Variants in RABEP1 observed in about 807,000 individuals in gnomAD.
RABEP1 encodes rab GTPase-binding effector protein 1.
Under a neutral mutation model 123.4 loss-of-function variants are expected in RABEP1, and 51 were observed. The observed-to-expected ratio is 0.41, with a 90% CI of 0.33 to 0.52. The LOEUF (loss-of-function observed/expected upper bound fraction) is 0.52. Ranked by LOEUF, RABEP1 falls within the 20% of genes least tolerant of loss-of-function variation. The probability of loss-of-function intolerance (pLI) is 0.16; values close to 1 mark genes in which losing one functional copy is unlikely to be tolerated. For missense variants in RABEP1, 888 were observed against 996.3 expected (o/e 0.89, Z 1.46); for synonymous variants, 347 against 355.2 (o/e 0.98, Z 0.26).
chr17:5,292,553 T>G (rs2075043515), intron 1 of RABEP1, among the ~76,000 whole-genome samples: 1 of 152,082 alleles, frequency 6.6e-6, no homozygotes, highest in Non-Finnish European at 1.5e-5. Flanking sequence ...TCTGGCTAAC[T>G]TTGTATTTTT....
rs768745098 is a variant in RABEP1, at chr17:5,325,730, AC to A, written c.164-6217del. ...GTCCATGGGATGAAAGAAAAAAAAAACCGACAAATATTTAGGGTGATAGATA... is the reference window on the plus strand; with the variant it reads ...GTCCATGGGATGAAAGAAAAAAAAAACGACAAATATTTAGGGTGATAGATA... On this transcript the variant is annotated intron_variant, in intron 2 of 17. Transcript: ENST00000537505. 3.6e-3 allele frequency among the ~76,000 whole-genome samples: 547 copies of A among 152,088 alleles called. 1 individual carries two copies. The highest frequency in any genetic ancestry group is 0.01 in the Middle Eastern group (3 of 292).
At chr17:5,321,447 G>A (rs1296601982) in intron 2 of RABEP1, among the ~76,000 whole-genome samples, 2 of 150,714 alleles carry the variant, frequency 1.3e-5, no homozygotes, top group South Asian at 4.2e-4. Context: ...TATCTCAAAC[G>A]AACAAAGCAA....
intron 2 of RABEP1, among the ~76,000 whole-genome samples, chr17:5,317,433 G>C (rs72634022): frequency 0.095 from 14,419 of 152,056 alleles, 1,613 homozygotes; most frequent in East Asian, 0.49. Flanking sequence ...CTGAAAATGG[G>C]CTTCTACAAA....
chr17:5,293,202 G>A (rs1033889224), intron 1 of RABEP1, among the ~76,000 whole-genome samples: 10 of 151,856 alleles, frequency 6.6e-5, no homozygotes, highest in East Asian at 1.9e-4. Flanking sequence ...CACGAGAATC[G>A]CTTGAATCTG....
chr17:5,323,096 C>G (rs144309047), intron 2 of RABEP1, among the ~76,000 whole-genome samples: 2 of 152,118 alleles, frequency 1.3e-5, no homozygotes, highest in East Asian at 3.9e-4. Context: ...ACAACAACAA[C>G]AACAAAAACT....
intron 17 of RABEP1, chr17:5,381,851 C>G (rs754203414): frequency 4.4e-5 from 8 of 180,154 alleles, no homozygotes; most frequent in Non-Finnish European, 5.7e-5. Context: ...TCCTCGCCCA[C>G]AGCGTGGTGT....
rs958121603 is a variant in RABEP1, at chr17:5,299,019, C to T, written c.35-9675C>T. The stretch of plus-strand genomic sequence containing the variant: ...GGAAATATTTCAGTGTATGTGTAAA[C>T]GTACCACAATGCTATTATAACACCT... On this transcript the variant is annotated intron_variant, in intron 1 of 17. Transcript: ENST00000537505. Among the ~76,000 whole-genome samples, 6 of 152,138 alleles carry T rather than the reference C, an allele frequency of 3.9e-5. No homozygotes were observed. The South Asian group carries it at 6.2e-4, about 16-fold the overall frequency.
intron 1 of RABEP1, among the ~76,000 whole-genome samples, chr17:5,300,898 T>C (rs1342283976): frequency 6.6e-6 from 1 of 152,280 alleles, no homozygotes; most frequent in East Asian, 1.9e-4. Context: ...AACTTTAGCC[T>C]GCATCTAAAA....
chr17:5,316,231 G>A (rs757163737), intron 2 of RABEP1, among the ~76,000 whole-genome samples: 11 of 152,062 alleles, frequency 7.2e-5, no homozygotes, highest in Admixed American at 6.5e-4. Flanking sequence ...CAGGCGGATT[G>A]CCTGAGTTCA....
At chr17:5,332,227 A>C in intron 3 of RABEP1, 75 bp downstream of exon 3, 4 of 1,334,144 alleles carry the variant, frequency 3.0e-6, no homozygotes, top group Non-Finnish European at 4.2e-6. Flanking sequence ...TTTTCAGAGA[A>C]TCTTAAAATA....
At chr17:5,309,647 C>T (rs1597341378) in intron 2 of RABEP1, among the ~76,000 whole-genome samples, 1 of 148,816 alleles carries the variant, frequency 6.7e-6, no homozygotes, top group African/African-American at 2.5e-5. Context: ...GAGTGAAACT[C>T]CCATCTCAAA....
chr17:5,282,589 G>A, intron 1 of RABEP1, 69 bp downstream of exon 1: 6 of 1,054,054 alleles, frequency 5.7e-6, no homozygotes, highest in Non-Finnish European at 7.1e-6. Context: ...GGAGGATTTC[G>A]GGGCGGGCAG....
In RABEP1 at chr17:5,282,336, G is replaced by C. The variant is rs1350044543; in HGVS notation, c.-151G>C. The C allele has an allele frequency of 1.1e-5, 6 of 542,650 alleles. No homozygotes were observed. Among genetic ancestry groups the C allele is most frequent in the Non-Finnish European group, 1.7e-5 (6 of 353,440 alleles). The allele number at this position is 542,650 out of a possible 1,614,324, so 33.6% of individuals were successfully genotyped here. On this transcript the variant is annotated 5_prime_UTR_variant, in exon 1 of 18. Coordinates refer to ENST00000537505, the MANE Select transcript of RABEP1 (RefSeq NM_004703.6). ...GTCGGGTCCGTCTCTGCCCGCGGCTGTGGCGGCGCCGGCGGATCCAGCCTT... is the reference window on the plus strand; with the variant it reads ...GTCGGGTCCGTCTCTGCCCGCGGCTCTGGCGGCGCCGGCGGATCCAGCCTT...
chr17:5,342,252 T>G (rs1907681037), intron 5 of RABEP1, among the ~76,000 whole-genome samples: 2 of 152,038 alleles, frequency 1.3e-5, no homozygotes, highest in Admixed American at 1.3e-4. Context: ...GAAAAACTAG[T>G]TAGCTACCAA....
In RABEP1 at chr17:5,350,596, C is replaced by G. The variant is rs753502453; in HGVS notation, c.930C>G (p.Leu310=). ...RMEIVLTSEQ[L]RQVEELKKKD... ...AGATTGTGCTAACTTCAGAACAGCTCCGACAAGTTGAAGAACTGAAGAAGA... is the reference window on the plus strand; with the variant it reads ...AGATTGTGCTAACTTCAGAACAGCTGCGACAAGTTGAAGAACTGAAGAAGA... The change falls in exon 7 of 18, where the codon CTC becomes CTG. Residue 310 remains leucine (L), a synonymous_variant. Coordinates refer to ENST00000537505, the MANE Select transcript of RABEP1 (RefSeq NM_004703.6). 6.2e-7 allele frequency: 1 copy of G among 1,613,722 alleles called. No individual in the cohort carries two copies. Among genetic ancestry groups the G allele is most frequent in the Non-Finnish European group, 8.5e-7 (1 of 1,179,970 alleles).
At chr17:5,362,470 C>T (rs761214562) in intron 9 of RABEP1, among the ~76,000 whole-genome samples, 1 of 152,158 alleles carries the variant, frequency 6.6e-6, no homozygotes, top group African/African-American at 2.4e-5. Context: ...TTACTGAGGC[C>T]TGAAAGAAAC....
At chr17:5,359,317 G>A (rs1210966945) in intron 8 of RABEP1, among the ~76,000 whole-genome samples, 1 of 151,996 alleles carries the variant, frequency 6.6e-6, no homozygotes, top group Non-Finnish European at 1.5e-5. Context: ...CTTGTGATCT[G>A]CCCGCCTCGG....
At position 5,283,602 on chromosome 17, in the gene RABEP1, G is replaced by A. The variant is rs57810453; in HGVS notation, c.34+1082G>A. On this transcript the variant is annotated intron_variant, in intron 1 of 17. Transcript: ENST00000537505. Reference sequence around the variant, plus strand: ...CTTAGCATCTTTAAGTGTGAGTAGAGTAGAATGTTGGGAAAAGGGGCTTGG... The same window carrying A: ...CTTAGCATCTTTAAGTGTGAGTAGAATAGAATGTTGGGAAAAGGGGCTTGG... Among the ~76,000 whole-genome samples, 1,171 of 152,300 alleles carry A rather than the reference G, an allele frequency of 7.7e-3. 21 individuals carry two copies. Among genetic ancestry groups the A allele is most frequent in the African/African-American group, 0.027 (1,110 of 41,570 alleles).
intron 1 of RABEP1, among the ~76,000 whole-genome samples, chr17:5,292,395 T>G (rs1356505581): frequency 6.6e-6 from 1 of 151,946 alleles, no homozygotes; most frequent in East Asian, 1.9e-4. Context: ...TTAGTTTATT[T>G]ACTTTTTTTT....
Sources: allele counts gnomAD v4.1 joint callset (sites outside exome capture counted in the v4.1 genomes callset), GRCh38; gene constraint gnomAD v4.1.1; transcripts MANE v1.5; gene names NCBI Gene and HGNC (gene_info 2026-07-23, HGNC 2026-07-21).